The following MROH9 variants were observed in gnomAD, a reference collection of about 807,000 sequenced individuals.
The protein encoded by MROH9 is maestro heat-like repeat-containing protein family member 9.
Under a neutral mutation model 98.2 loss-of-function variants are expected in MROH9, and 92 were observed. That is an observed-to-expected ratio of 0.94 (90% CI 0.79 to 1.11). The LOEUF (loss-of-function observed/expected upper bound fraction) is 1.11. Ranked by LOEUF, MROH9 falls within the 50% of genes most tolerant of loss-of-function variation. The pLI is 0.00. For synonymous variants in MROH9, 397 were observed against 368.9 expected, an observed-to-expected ratio of 1.08 and a Z score of -0.87; for missense variants, 1,057 against 1,014.8, an observed-to-expected ratio of 1.04 and a Z score of -0.57.
At chr1:170,954,479 T>C (rs1297759229) in intron 3 of MROH9, among the ~76,000 whole-genome samples, 1 of 152,112 alleles carries the variant, frequency 6.6e-6, no homozygotes, top group Non-Finnish European at 1.5e-5. Flanking sequence ...AGATGTCTCT[T>C]TGATATCCTG....
At chr1:170,937,723 C>T (rs1648954256) in intron 1 of MROH9, among the ~76,000 whole-genome samples, 1 of 151,780 alleles carries the variant, frequency 6.6e-6, no homozygotes, top group Non-Finnish European at 1.5e-5. Context: ...CGGGGTTTCA[C>T]CGTTTTAGCC....
chr1:170,978,355 G>A (rs1425463047), intron 8 of MROH9, among the ~76,000 whole-genome samples: 3 of 152,182 alleles, frequency 2.0e-5, no homozygotes, highest in South Asian at 2.1e-4. Context: ...GGCAGTAGCA[G>A]AGGGGCTGTC....
intron 20 of MROH9, among the ~76,000 whole-genome samples, chr1:171,026,999 T>C (rs574247590): frequency 3.4e-4 from 52 of 152,274 alleles, no homozygotes; most frequent in African/African-American, 1.2e-3. Flanking sequence ...AAAATATTTG[T>C]TGAGAACTCA....
At position 171,021,989 on chromosome 1, in the gene MROH9, A is replaced by G. The variant is rs139323814; in HGVS notation, c.1909-2406A>G. ...GAAAACATTTACATGGCCAACAAAC[A>G]TATGAAAAAAAGTTCAACATCACTG... On this transcript the variant is annotated intron_variant, in intron 17 of 21. Transcript: ENST00000367759. 8.7e-3 allele frequency among the ~76,000 whole-genome samples: 1,324 copies of G among 152,298 alleles called. 17 individuals are homozygous for G. Among genetic ancestry groups the G allele is most frequent in the African/African-American group, 0.03 (1,236 of 41,564 alleles).
chr1:170,945,248 A>G (rs1474994606), intron 1 of MROH9, among the ~76,000 whole-genome samples: 3 of 152,116 alleles, frequency 2.0e-5, no homozygotes, highest in African/African-American at 7.2e-5. Context: ...TCTGAGCCTC[A>G]AATGAGATAG....
At chr1:170,986,831 C>A in intron 10 of MROH9, 121 bp downstream of exon 10, 1 of 1,110,888 alleles carries the variant, frequency 9.0e-7, no homozygotes, top group Admixed American at 2.4e-5. Flanking sequence ...TATATGACTT[C>A]AATATAATGA....
intron 7 of MROH9, 144 bp from the exon 8 acceptor site, chr1:170,971,604 G>C (rs1571462519): frequency 1.1e-6 from 1 of 915,104 alleles, no homozygotes; most frequent in East Asian, 2.4e-5. Flanking sequence ...GTCAGTAACG[G>C]GGCCAGGATT....
At chr1:170,953,887 GAAAGAAAA>G (rs1649659747) in intron 3 of MROH9, among the ~76,000 whole-genome samples, 1 of 118,246 alleles carries the variant, frequency 8.5e-6, no homozygotes. Context: ...GAGAAAGAAA[GAAAGAAAA>G]AAAGAGAGAG....
rs2294740 is a variant in MROH9 at position 170,959,530 on chromosome 1, T to C, written c.221T>C (p.Val74Ala). 290,167 of 1,612,740 alleles carry C rather than the reference T, an allele frequency of 0.18. 31,524 individuals carry two copies. Among genetic ancestry groups the C allele is most frequent in the East Asian group, 0.49 (21,929 of 44,776 alleles). The change falls in exon 5 of 22, where the codon GTT (valine) becomes GCT (alanine). Residue 74 changes from valine (V) to alanine (A), a missense_variant. Coordinates refer to ENST00000367759, the MANE Select transcript of MROH9 (RefSeq NM_001163629.2). The stretch of plus-strand genomic sequence containing the variant: ...ATAGAGTCATCCTTTGGAATGCTAG[T>C]TGTCATGCCAAGTCTTGACAAAGTA... ...KIIESSFGML[V>A]VMPSLDKVKE...
intron 20 of MROH9, among the ~76,000 whole-genome samples, chr1:171,045,087 C>G (rs1191518232): frequency 7.0e-6 from 1 of 142,320 alleles, no homozygotes; most frequent in Non-Finnish European, 1.5e-5. Flanking sequence ...CTGCAAGCTC[C>G]ACCTCCTGGA....
At chr1:170,962,047 T>C (rs1481643237) in intron 6 of MROH9, 71 bp downstream of exon 6, 2 of 832,456 alleles carry the variant, frequency 2.4e-6, no homozygotes, top group Non-Finnish European at 3.7e-6. Context: ...CACTTTCTTC[T>C]CATTTGCTAT....
chr1:170,951,066 TAAA>T (rs1649536632), intron 3 of MROH9, among the ~76,000 whole-genome samples: 1 of 152,068 alleles, frequency 6.6e-6, no homozygotes, highest in Non-Finnish European at 1.5e-5. Flanking sequence ...GAAGGAATTT[TAAA>T]ATAGAGATTT....
chr1:170,993,175 G>A lies in MROH9; in HGVS notation c.1194+846G>A, dbSNP rs942603838. Reference sequence around the variant, plus strand: ...ATCCCCAAACTGTAATGACAGGTTTGGAATTAGGTGCAATCAAGGCTTCTA... The same window carrying A: ...ATCCCCAAACTGTAATGACAGGTTTAGAATTAGGTGCAATCAAGGCTTCTA... On this transcript the variant is annotated intron_variant, in intron 12 of 21. Coordinates refer to ENST00000367759, the MANE Select transcript of MROH9 (RefSeq NM_001163629.2). Among the ~76,000 whole-genome samples, 7 of 152,138 alleles carry A rather than the reference G, an allele frequency of 4.6e-5. 1 individual carries two copies. The highest frequency in any genetic ancestry group is 1.7e-4 in the African/African-American group (7 of 41,430).
intron 20 of MROH9, among the ~76,000 whole-genome samples, chr1:171,054,281 A>G (rs1653759213): frequency 6.6e-6 from 1 of 152,242 alleles, no homozygotes; most frequent in African/African-American, 2.4e-5. Flanking sequence ...AAGTGGGGAT[A>G]TGACACCCTA....
At chr1:170,957,788 TTTTTTTG>T (rs1175643830) in intron 3 of MROH9, among the ~76,000 whole-genome samples, 1 of 125,554 alleles carries the variant, frequency 8.0e-6, no homozygotes, top group Non-Finnish European at 1.7e-5. Context: ...CCTGCTGGCA[TTTTTTTG>T]TTTTTTTTTT....
intron 8 of MROH9, among the ~76,000 whole-genome samples, chr1:170,977,895 A>C (rs1170123191): frequency 1.3e-5 from 2 of 152,174 alleles, no homozygotes; most frequent in Non-Finnish European, 2.9e-5. Context: ...CTGTGGGCCC[A>C]AGCTAGGAGT....
chr1:171,054,863 G>A (rs1048215958), intron 20 of MROH9, among the ~76,000 whole-genome samples: 1 of 152,122 alleles, frequency 6.6e-6, no homozygotes, highest in Non-Finnish European at 1.5e-5. Flanking sequence ...ATAGATGTTG[G>A]TGTGGATGTG....
chr1:170,966,954 A>G (rs1303157638), intron 7 of MROH9, among the ~76,000 whole-genome samples: 1 of 152,172 alleles, frequency 6.6e-6, no homozygotes, highest in Non-Finnish European at 1.5e-5. Flanking sequence ...ACTAGAGCCT[A>G]GTCACATGTT....
intron 3 of MROH9, 32 bp from the exon 4 acceptor site, chr1:170,958,429 C>CTTT (rs374865486): frequency 2.8e-4 from 277 of 990,308 alleles, no homozygotes; most frequent in South Asian, 5.6e-4. Context: ...ATTAATTCTT[C>CTTT]TTTTTTTTTT....
Sources: gnomAD v4.1 joint callset for allele counts (sites outside exome capture counted in the v4.1 genomes callset) on GRCh38, gnomAD v4.1.1 for gene constraint, MANE v1.5 for transcripts, NCBI Gene and HGNC (gene_info 2026-07-23, HGNC 2026-07-21) for gene names.